The following XRRA1 variants were observed in gnomAD, a reference collection of about 807,000 sequenced individuals.
XRRA1 encodes the protein X-ray radiation resistance-associated protein 1.
A neutral mutation model predicts 80.2 loss-of-function variants in XRRA1; 69 were observed. That is an observed-to-expected ratio of 0.86 (90% CI 0.71 to 1.05). The LOEUF is 1.05. Ranked by LOEUF, XRRA1 falls within the 50% of genes least tolerant of loss-of-function variation. XRRA1 has a pLI of 0.00. For missense variants in XRRA1, 967 were observed against 976.4 expected (o/e 0.99, Z 0.13); for synonymous variants, 348 against 389.9 (o/e 0.89, Z 1.27).
Position 74,927,456 on chromosome 11 carries a change from G to C in XRRA1, c.457C>G (p.Leu153Val), listed in dbSNP as rs748191489. The C allele has an allele frequency of 1.9e-6, 3 of 1,613,468 alleles. No homozygotes were observed. The Admixed American group carries it at 5.0e-5, about 27-fold the overall frequency. The change falls in exon 7 of 19, where the codon CTG (leucine) becomes GTG (valine). Residue 153 changes from leucine to valine, a missense_variant. Transcript: ENST00000684022. The part of the protein sequence containing the change: ...AFHTFPALKE[L>V]DLAFNGIKTI... ...TTGATGCCATTAAATGCGAGATCCA[G>C]TTCCTTTAGGGCTGGAAACGTGTGA...
At chr11:74,868,177 C>G (rs2043907812) in intron 10 of XRRA1, among the ~76,000 whole-genome samples, 1 of 152,100 alleles carries the variant, frequency 6.6e-6, no homozygotes, top group South Asian at 2.1e-4. Context: ...CCTCAGCTTC[C>G]CAAAGTGCTA....
At chr11:74,852,257 T>G (rs1185341788) in intron 12 of XRRA1, among the ~76,000 whole-genome samples, 175 bp from the exon 13 acceptor site, 1 of 152,122 alleles carries the variant, frequency 6.6e-6, no homozygotes, top group African/African-American at 2.4e-5. Flanking sequence ...CCTGTAATAA[T>G]ACCTACTCAT....
chr11:74,843,652 G>T (rs2037059019), intron 18 of XRRA1, 199 bp from the exon 19 acceptor site: 2 of 841,958 alleles, frequency 2.4e-6, no homozygotes. Flanking sequence ...CTTAAGCCCT[G>T]GTTCAGGACC....
intron 11 of XRRA1, among the ~76,000 whole-genome samples, chr11:74,861,460 T>A (rs1263884797): frequency 6.6e-6 from 1 of 152,196 alleles, no homozygotes; most frequent in Non-Finnish European, 1.5e-5. Flanking sequence ...GTGCTCGTTA[T>A]GAGAATCTAA....
At chr11:74,848,624 C>T (rs1176784745) in intron 14 of XRRA1, among the ~76,000 whole-genome samples, 162 bp from the exon 15 acceptor site, 6 of 152,106 alleles carry the variant, frequency 3.9e-5, no homozygotes, top group Non-Finnish European at 8.8e-5. Context: ...TATGATGTGC[C>T]CCATGCATGA....
intron 7 of XRRA1, among the ~76,000 whole-genome samples, chr11:74,921,892 T>A (rs1940910270): frequency 6.6e-6 from 1 of 152,114 alleles, no homozygotes; most frequent in Non-Finnish European, 1.5e-5. Flanking sequence ...TGGGGTCAAG[T>A]GCCATGCCAC....
intron 7 of XRRA1, among the ~76,000 whole-genome samples, chr11:74,926,914 G>A (rs573655656): frequency 6.6e-6 from 1 of 151,870 alleles, no homozygotes; most frequent in East Asian, 1.9e-4. Context: ...CCCAGCCACC[G>A]AGACTGATTC....
chr11:74,940,706 G>T, intron 3 of XRRA1, 79 bp downstream of exon 3: 1 of 1,192,840 alleles, frequency 8.4e-7, no homozygotes, highest in Non-Finnish European at 1.2e-6. Flanking sequence ...AGGGGTTGGA[G>T]AAGAACAAGT....
chr11:74,920,684 A>G (rs1451349977), intron 8 of XRRA1, among the ~76,000 whole-genome samples: 1 of 152,250 alleles, frequency 6.6e-6, no homozygotes, highest in East Asian at 1.9e-4. Context: ...AGTTACTTAA[A>G]TGTCTGTACT....
At chr11:74,852,371 C>G (rs1040067268) in intron 12 of XRRA1, among the ~76,000 whole-genome samples, 4 of 152,178 alleles carry the variant, frequency 2.6e-5, no homozygotes, top group African/African-American at 9.7e-5. Context: ...ATGTAGCCTA[C>G]ATCAAATACT....
chr11:74,855,306 T>G (rs2040828239), intron 12 of XRRA1, among the ~76,000 whole-genome samples: 1 of 152,170 alleles, frequency 6.6e-6, no homozygotes, highest in African/African-American at 2.4e-5. Flanking sequence ...CACTAAAGAA[T>G]GGGAGATGCA....
Position 74,911,872 on chromosome 11 carries a change from T to C in XRRA1, c.657-4599A>G, listed in dbSNP as rs149940770. On this transcript the variant is annotated intron_variant, in intron 8 of 18. Transcript: ENST00000684022. ...ACTGAACTATGGTTTAACAGTATCA[T>C]GGGGCTAGAGAATCAAAGCCCAGGG... Among the ~76,000 whole-genome samples, 868 of 152,344 alleles carry C rather than the reference T, an allele frequency of 5.7e-3. 8 individuals are homozygous for C. The highest frequency in any genetic ancestry group is 0.02 in the African/African-American group (820 of 41,576).
intron 3 of XRRA1, among the ~76,000 whole-genome samples, chr11:74,938,808 C>G (rs1429279494): frequency 1.3e-5 from 2 of 152,052 alleles, no homozygotes; most frequent in Non-Finnish European, 2.9e-5. Context: ...CCAGCCTGCC[C>G]TACGAATTTT....
intron 10 of XRRA1, among the ~76,000 whole-genome samples, chr11:74,884,967 T>C (rs1353779852): frequency 1.3e-5 from 2 of 152,186 alleles, no homozygotes; most frequent in East Asian, 3.9e-4. Flanking sequence ...CAAAAAACTA[T>C]TCAAAAGATC....
chr11:74,938,737 G>A (rs1945635159), intron 3 of XRRA1, among the ~76,000 whole-genome samples: 1 of 152,088 alleles, frequency 6.6e-6, no homozygotes, highest in South Asian at 2.1e-4. Flanking sequence ...GTTTCCTAGA[G>A]GAAGAGGAAA....
At chr11:74,946,997 C>T (rs898179276) in intron 1 of XRRA1, among the ~76,000 whole-genome samples, 22 of 151,962 alleles carry the variant, frequency 1.4e-4, no homozygotes, top group Non-Finnish European at 1.8e-4. Flanking sequence ...GTGATCCGCC[C>T]GCCTCGGCCT....
At chr11:74,885,225 C>T (rs2048728379) in intron 10 of XRRA1, among the ~76,000 whole-genome samples, 2 of 152,154 alleles carry the variant, frequency 1.3e-5, no homozygotes, top group African/African-American at 4.8e-5. Context: ...GATCACGCAA[C>T]TGCGCTCCAG....
chr11:74,892,073 C>G (rs1010563262), intron 10 of XRRA1, among the ~76,000 whole-genome samples: 11 of 152,184 alleles, frequency 7.2e-5, no homozygotes, highest in Non-Finnish European at 1.3e-4. Context: ...TCATATGGAA[C>G]CAAAAAAGAG....
chr11:74,890,833 C>T (rs1488191652), intron 10 of XRRA1, among the ~76,000 whole-genome samples: 1 of 152,200 alleles, frequency 6.6e-6, no homozygotes, highest in African/African-American at 2.4e-5. Context: ...AACACATACA[C>T]CCTCCCAAGG....
Sources: gnomAD v4.1 joint callset for allele counts (sites outside exome capture counted in the v4.1 genomes callset) on GRCh38, gnomAD v4.1.1 for gene constraint, MANE v1.5 for transcripts, NCBI Gene and HGNC (gene_info 2026-07-23, HGNC 2026-07-21) for gene names.